The following LETMD1 variants were observed in gnomAD, a reference collection of about 807,000 sequenced individuals.
LETMD1 encodes the protein LETM1 domain containing 1.
LETMD1 carries 30 observed loss-of-function variants against 43.9 expected under a neutral mutation model. That is an observed-to-expected ratio of 0.68 (90% CI 0.51 to 0.93). The LOEUF (loss-of-function observed/expected upper bound fraction) is 0.93, where lower values mean the gene tolerates loss of function less well. Among genes scored for constraint, LETMD1 ranks in the 40% least tolerant of loss-of-function variants. LETMD1 has a pLI of 0.00. For missense variants in LETMD1, 413 were observed against 447.7 expected, an observed-to-expected ratio of 0.92 and a Z score of 0.70; for synonymous variants, 176 against 163.1, an observed-to-expected ratio of 1.08 and a Z score of -0.60.
chr12:51,057,886 A>G, intron 7 of LETMD1, 146 bp from the exon 8 acceptor site: 1 of 707,424 alleles, frequency 1.4e-6, no homozygotes, highest in Non-Finnish European at 2.6e-6. Flanking sequence ...CGGCCTCCCA[A>G]AGTGCTGGGA....
chr12:51,066,815 A>G, the LETMD1 span, among the ~76,000 whole-genome samples: 1 of 152,168 alleles, frequency 6.6e-6, no homozygotes, highest in South Asian at 2.1e-4. Context: ...TAGAATCTAC[A>G]GGCCCACACC....
intron 7 of LETMD1, chr12:51,056,939 A>G (rs1420979616): frequency 2.5e-5 from 4 of 157,544 alleles, no homozygotes; most frequent in Admixed American, 1.9e-4. Flanking sequence ...TACCGCACCC[A>G]GCATATTTAT....
At chr12:51,067,943 C>T in the LETMD1 span, 19 of 1,613,984 alleles carry the variant, frequency 1.2e-5, no homozygotes, top group Admixed American at 3.3e-5. This position sits in a 1 kb window ranked among gnomAD's most constrained non-coding sequence, Gnocchi z 4.1. Flanking sequence ...CAGCCTCCAC[C>T]GACTCCACTG....
In LETMD1 at chr12:51,056,061, T is replaced by G. The variant is rs370940813; in HGVS notation, c.660+40T>G. The stretch of plus-strand genomic sequence containing the variant: ...AACCCTTCCTACAAATGTGGAATCT[T>G]GTTAGATTCAGTGTGCACTAAACTA... On this transcript the variant is annotated intron_variant, in intron 5 of 8. Coordinates refer to ENST00000262055, the MANE Select transcript of LETMD1 (RefSeq NM_015416.5). The G allele has an allele frequency of 4.0e-4, 641 of 1,607,094 alleles. 3 individuals carry two copies. Among genetic ancestry groups the G allele is most frequent in the South Asian group, 2.7e-3 (247 of 90,788 alleles).
chr12:51,064,465 C>T, downstream of LETMD1: 1 of 1,609,574 alleles, frequency 6.2e-7, no homozygotes. Flanking sequence ...GAGCCCTGTG[C>T]TCCTGTCAGG....
chr12:51,052,367 G>C, intron 3 of LETMD1, 160 bp downstream of exon 3: 1 of 778,426 alleles, frequency 1.3e-6, no homozygotes, highest in Non-Finnish European at 2.0e-6. Context: ...CAGATTATTT[G>C]TAAGAATTGG....
At chr12:51,050,917 G>A (rs1945890858) in intron 2 of LETMD1, among the ~76,000 whole-genome samples, 1 of 151,732 alleles carries the variant, frequency 6.6e-6, no homozygotes, top group South Asian at 2.1e-4. Context: ...GGAGGCTGAG[G>A]CAGGAGAATC....
At chr12:51,064,570 G>C (rs1292711288), downstream of LETMD1, 3 of 1,612,306 alleles carry the variant, frequency 1.9e-6, no homozygotes. Flanking sequence ...ATGGTGTGGA[G>C]GTAATGAGTC....
chr12:51,059,089 C>T (rs1948534506), intron 8 of LETMD1: 1 of 410,434 alleles, frequency 2.4e-6, no homozygotes, highest in Non-Finnish European at 4.6e-6. Flanking sequence ...CAGAAGAATC[C>T]CAACGCGACT....
chr12:51,052,906 G>A (rs1368471468), intron 3 of LETMD1, among the ~76,000 whole-genome samples: 1 of 151,972 alleles, frequency 6.6e-6, no homozygotes, highest in Non-Finnish European at 1.5e-5. Context: ...AGGAGCTTGA[G>A]ACCAGCCTGG....
At chr12:51,050,674 A>G (rs1394078194) in intron 2 of LETMD1, among the ~76,000 whole-genome samples, 2 of 152,158 alleles carry the variant, frequency 1.3e-5, no homozygotes, top group East Asian at 1.9e-4. Flanking sequence ...TCGAGACATC[A>G]TATAATGACA....
intron 2 of LETMD1, chr12:51,049,469 T>G: frequency 3.1e-6 from 1 of 325,132 alleles, no homozygotes; most frequent in Non-Finnish European, 5.7e-6. Flanking sequence ...TAGTAGAAAT[T>G]TTTTGCCTTG....
In LETMD1 at chr12:51,060,275, G is replaced by C. The variant is rs900361650; in HGVS notation, c.*844G>C. On this transcript the variant is annotated 3_prime_UTR_variant, in exon 9 of 9. Coordinates refer to ENST00000262055, the MANE Select transcript of LETMD1 (RefSeq NM_015416.5). ...TACTAATTACTGCCCAGCCTGGGGA[G>C]ATCAGGAGAGGTCTGCATAGTTAGT... The C allele has an allele frequency of 1.3e-5, 2 of 152,670 alleles. No individual in the cohort carries two copies. Among genetic ancestry groups the C allele is most frequent in the African/African-American group, 4.8e-5 (2 of 41,450 alleles). The allele number at this position is 152,670 out of a possible 1,614,324, so 9.5% of individuals were successfully genotyped here.
chr12:51,063,839 G>A (rs765214142), downstream of LETMD1: 23 of 1,613,948 alleles, frequency 1.4e-5, no homozygotes, highest in Non-Finnish European at 1.8e-5. Flanking sequence ...CCTCTTCATT[G>A]TCCGTGCGGA....
chr12:51,066,835 C>A, the LETMD1 span, among the ~76,000 whole-genome samples: 1 of 152,032 alleles, frequency 6.6e-6, no homozygotes, highest in Non-Finnish European at 1.5e-5. Context: ...CATTCCTCTG[C>A]TAACTTTTTG....
Position 51,055,983 on chromosome 12 carries a change from G to GT in LETMD1, c.622_623insT (p.Ala208ValfsTer24). 1 of 1,614,132 alleles carries GT rather than the reference G, an allele frequency of 6.2e-7. No homozygotes were observed. The highest frequency in any genetic ancestry group is 8.5e-7 in the Non-Finnish European group (1 of 1,180,008). ...AAAGGTCATCCCTCTCATTTCTGATGCAGGACTCCGGTGGCGTCTGACAGA... is the reference window on the plus strand; with the variant it reads ...AAAGGTCATCCCTCTCATTTCTGATGTCAGGACTCCGGTGGCGTCTGACAGA... On this transcript the variant is annotated frameshift_variant, in exon 5 of 9. Coordinates refer to ENST00000262055, the MANE Select transcript of LETMD1 (RefSeq NM_015416.5). LOFTEE classifies it high-confidence loss of function.
chr12:51,052,319 T>G, intron 3 of LETMD1, 112 bp downstream of exon 3: 1 of 1,312,474 alleles, frequency 7.6e-7, no homozygotes. Flanking sequence ...GCTTTTGCCC[T>G]TTGCCGTGAG....
the LETMD1 span, chr12:51,067,622 A>G: frequency 2.6e-6 from 4 of 1,563,014 alleles, no homozygotes; most frequent in Non-Finnish European, 3.5e-6. The surrounding 1 kb of genome is among the most constrained non-coding windows in gnomAD (Gnocchi z 4.1). Flanking sequence ...CCCACACCTC[A>G]CCCCGCTGAC....
chr12:51,068,697 T>C, the LETMD1 span, among the ~76,000 whole-genome samples: 2 of 152,092 alleles, frequency 1.3e-5, no homozygotes, highest in Non-Finnish European at 2.9e-5. Context: ...GGAAAAGGTA[T>C]GTGAATGACT....
Sources: allele counts gnomAD v4.1 joint callset (sites outside exome capture counted in the v4.1 genomes callset), GRCh38; gene constraint gnomAD v4.1.1; non-coding constraint Gnocchi (gnomAD v3.1); transcripts MANE v1.5; gene names NCBI Gene and HGNC (gene_info 2026-07-23, HGNC 2026-07-21).